The following ICA1L variants were observed in gnomAD, a reference collection of about 807,000 sequenced individuals.
The protein encoded by ICA1L is islet cell autoantigen 1 like.
ICA1L carries 50 observed loss-of-function variants against 61.3 expected under a neutral mutation model. The ratio of observed to expected loss-of-function variants is 0.82; its 90% CI spans 0.65 to 1.03. The LOEUF (loss-of-function observed/expected upper bound fraction) is 1.03, where lower values mean the gene tolerates loss of function less well. ICA1L is among the 50% of genes least tolerant of loss of function. ICA1L has a pLI of 0.00. For synonymous variants in ICA1L, 161 were observed against 191.3 expected (o/e 0.84, Z 1.31); for missense variants, 508 against 556.7 (o/e 0.91, Z 0.88).
intron 1 of ICA1L, among the ~76,000 whole-genome samples, chr2:202,844,018 T>C (rs184610700): frequency 3.9e-5 from 6 of 152,372 alleles, no homozygotes; most frequent in Non-Finnish European, 7.4e-5. Context: ...GATTGTTGAA[T>C]AGAATTCCAT....
At chr2:202,863,149 G>A (rs954466463) in intron 1 of ICA1L, among the ~76,000 whole-genome samples, 3 of 151,950 alleles carry the variant, frequency 2.0e-5, no homozygotes, top group East Asian at 2.0e-4. Flanking sequence ...AAAATTAGCC[G>A]GGTGTGGTGG....
At chr2:202,808,169 C>A (rs1049502057) in intron 9 of ICA1L, among the ~76,000 whole-genome samples, 23 of 152,266 alleles carry the variant, frequency 1.5e-4, no homozygotes, top group Non-Finnish European at 2.1e-4. Flanking sequence ...CAAGAAGTCA[C>A]CTGGGGTAGT....
chr2:202,791,420 A>G (rs1015183832), intron 10 of ICA1L, among the ~76,000 whole-genome samples: 14 of 152,238 alleles, frequency 9.2e-5, no homozygotes, highest in African/African-American at 3.1e-4. Context: ...AAGATAAGCA[A>G]CCCAATTAAA....
At chr2:202,814,834 C>T in intron 7 of ICA1L, 50 bp from the exon 8 acceptor site, 1 of 1,201,452 alleles carries the variant, frequency 8.3e-7, no homozygotes, top group Non-Finnish European at 1.2e-6. Context: ...TCTGTTTCTT[C>T]TTCTCTGCAA....
chr2:202,840,473 T>C (rs905475576), intron 1 of ICA1L: 4 of 510,908 alleles, frequency 7.8e-6, no homozygotes, highest in East Asian at 1.0e-4. Flanking sequence ...GCCGAGGCCA[T>C]AGCTGAGGCT....
At chr2:202,818,356 G>A (rs1693598391) in intron 5 of ICA1L, among the ~76,000 whole-genome samples, 1 of 152,122 alleles carries the variant, frequency 6.6e-6, no homozygotes, top group South Asian at 2.1e-4. Context: ...CTGAGAGTGG[G>A]AGGGGGTGAA....
chr2:202,838,649 G>C (rs901509502), intron 1 of ICA1L, among the ~76,000 whole-genome samples: 1 of 152,092 alleles, frequency 6.6e-6, no homozygotes, highest in Non-Finnish European at 1.5e-5. Flanking sequence ...TTGATGAATT[G>C]ATCCCTTTTC....
intron 1 of ICA1L, among the ~76,000 whole-genome samples, chr2:202,867,068 A>G (rs1687538861): frequency 1.3e-5 from 2 of 152,322 alleles, no homozygotes; most frequent in Admixed American, 6.5e-5. Context: ...GATTTCACCA[A>G]AATTTAAAAT....
intron 6 of ICA1L, among the ~76,000 whole-genome samples, chr2:202,816,882 G>A (rs1205376603): frequency 6.6e-6 from 1 of 152,180 alleles, no homozygotes; most frequent in Non-Finnish European, 1.5e-5. Flanking sequence ...ATAAGCACAA[G>A]TGAGACTTCT....
intron 1 of ICA1L, among the ~76,000 whole-genome samples, chr2:202,837,237 T>C (rs1694178293): frequency 6.6e-6 from 1 of 152,144 alleles, no homozygotes; most frequent in South Asian, 2.1e-4. Context: ...AAGCATTTCC[T>C]CTTTTTTATT....
At chr2:202,865,639 A>G (rs565195179) in intron 1 of ICA1L, among the ~76,000 whole-genome samples, 2 of 152,228 alleles carry the variant, frequency 1.3e-5, no homozygotes, top group South Asian at 4.1e-4. Flanking sequence ...CACAGGTGAC[A>G]TGATTATGTA....
At chr2:202,859,829 A>C (rs1694863515) in intron 1 of ICA1L, among the ~76,000 whole-genome samples, 1 of 152,194 alleles carries the variant, frequency 6.6e-6, no homozygotes, top group African/African-American at 2.4e-5. Context: ...GAACCCTGAA[A>C]ACTTTTTAAA....
At position 202,828,170 on chromosome 2, in the gene ICA1L, A is replaced by G. The variant is rs373827660; in HGVS notation, c.162+678T>C. 3.3e-5 allele frequency among the ~76,000 whole-genome samples: 5 copies of G among 151,922 alleles called. No individual in the cohort carries two copies. The East Asian group carries it at 5.8e-4, about 18-fold the overall frequency. On this transcript the variant is annotated intron_variant, in intron 2 of 12. Coordinates refer to ENST00000358299, the MANE Select transcript of ICA1L (RefSeq NM_001288622.3). The stretch of plus-strand genomic sequence containing the variant: ...TCCCAGCTACTCAGGGGGCTGAGGC[A>G]GGAGAATCCCTTGAACCTAGAAGGC...
intron 1 of ICA1L, among the ~76,000 whole-genome samples, chr2:202,858,948 C>T (rs920379196): frequency 2.0e-5 from 3 of 152,162 alleles, no homozygotes; most frequent in Non-Finnish European, 4.4e-5. Flanking sequence ...CAGGACGTAT[C>T]CCTGTTGCTA....
At chr2:202,820,028 AAGG>A in intron 4 of ICA1L, 129 bp from the exon 5 acceptor site, 1 of 705,042 alleles carries the variant, frequency 1.4e-6, no homozygotes, top group Non-Finnish European at 2.3e-6. Context: ...TTCAGTTCCT[AAGG>A]AGATTTTGAA....
intron 11 of ICA1L, among the ~76,000 whole-genome samples, chr2:202,788,385 C>T (rs1425189417): frequency 6.6e-6 from 1 of 152,060 alleles, no homozygotes; most frequent in Non-Finnish European, 1.5e-5. Context: ...CAAAGTGACC[C>T]CCAAGGTGCA....
rs1221843370 is a variant in ICA1L, at chr2:202,777,965, C to G, written c.*1568G>C. On this transcript the variant is annotated 3_prime_UTR_variant, in exon 13 of 13. Transcript: ENST00000358299. ...GCGCCATCTCAGCTCACTGCAAGCT[C>G]CGCCTCCCGGGTTCACGCCATTCTC... The G allele has an allele frequency of 6.7e-6, 1 of 149,980 alleles. No homozygotes were observed. The highest frequency in any genetic ancestry group is 2.0e-4 in the East Asian group (1 of 5,088). 9.3% of individuals were successfully genotyped at this position (149,980 alleles called of 1,614,324 possible).
chr2:202,846,754 C>A (rs576675574), intron 1 of ICA1L, among the ~76,000 whole-genome samples: 2 of 142,686 alleles, frequency 1.4e-5, no homozygotes, highest in Admixed American at 1.4e-4. Flanking sequence ...TTCATTCATT[C>A]ATTGTTAAAT....
At chr2:202,794,810 A>G (rs1307441612) in intron 10 of ICA1L, among the ~76,000 whole-genome samples, 3 of 152,184 alleles carry the variant, frequency 2.0e-5, no homozygotes, top group Non-Finnish European at 2.9e-5. Flanking sequence ...TATGAAAAAA[A>G]AAGTCTGAAA....
Sources: gnomAD v4.1 joint callset for allele counts (sites outside exome capture counted in the v4.1 genomes callset) on GRCh38, gnomAD v4.1.1 for gene constraint, MANE v1.5 for transcripts, NCBI Gene and HGNC (gene_info 2026-07-23, HGNC 2026-07-21) for gene names.